ROBO2: variants seen among roughly 807,000 people sequenced by gnomAD.
ROBO2 encodes roundabout guidance receptor 2, also known as roundabout homolog 2.
Under a neutral mutation model 160.8 loss-of-function variants are expected in ROBO2, and 53 were observed. That is an observed-to-expected ratio of 0.33 (90% CI 0.26 to 0.41). The LOEUF (loss-of-function observed/expected upper bound fraction) is 0.41, where lower values mean the gene tolerates loss of function less well. Among genes scored for constraint, ROBO2 ranks in the 10% least tolerant of loss-of-function variants. The probability of loss-of-function intolerance (pLI) is 1.00; values close to 1 mark genes in which losing one functional copy is unlikely to be tolerated. For synonymous variants in ROBO2, 664 were observed against 611.7 expected (o/e 1.09, Z -1.26); for missense variants, 1,577 against 1,722.4 (o/e 0.92, Z 1.49).
Position 77,190,004 on chromosome 3 carries a change from C to T in ROBO2, c.388+91664C>T, listed in dbSNP as rs145303566. ...GGCTTAGGTTACTGGTGTTAGCACT[C>T]TTGTCCGTGATCTTTATAAAGTATA... On this transcript the variant is annotated intron_variant, in intron 2 of 25. Coordinates refer to ENST00000461745, the Ensembl canonical transcript of ROBO2. 1.4e-4 allele frequency among the ~76,000 whole-genome samples: 21 copies of T among 151,998 alleles called. No homozygotes were observed. In the East Asian group the frequency reaches 3.5e-3, roughly 25 times the overall value.
chr3:77,172,807 T>G (rs78470956), intron 2 of ROBO2, among the ~76,000 whole-genome samples: 1,989 of 152,332 alleles, frequency 0.013, 66 homozygotes, highest in African/African-American at 0.045. Context: ...TCATTAAAAA[T>G]AGATACTTAG....
intron 6 of ROBO2, among the ~76,000 whole-genome samples, chr3:77,534,780 C>T (rs2091981789): frequency 6.6e-6 from 1 of 152,132 alleles, no homozygotes; most frequent in South Asian, 2.1e-4. Context: ...TTATTTTCAT[C>T]TCCCCTACAA....
At chr3:77,044,535 T>C (rs752321686) in intron 1 of ROBO2, among the ~76,000 whole-genome samples, 6 of 152,194 alleles carry the variant, frequency 3.9e-5, no homozygotes, top group African/African-American at 1.2e-4. Context: ...CCTTTTCTTA[T>C]TCTCCTCCTC....
intron 5 of ROBO2, among the ~76,000 whole-genome samples, chr3:77,515,716 A>G (rs1485524329): frequency 6.6e-6 from 1 of 151,668 alleles, no homozygotes; most frequent in Non-Finnish European, 1.5e-5. Flanking sequence ...GAATGCCTAT[A>G]TTGTCCCTTG....
intron 1 of ROBO2, among the ~76,000 whole-genome samples, chr3:77,052,349 C>T (rs1009564165): frequency 1.3e-5 from 2 of 152,140 alleles, no homozygotes; most frequent in Non-Finnish European, 2.9e-5. Context: ...AGAGGCTGTG[C>T]TGCTGAGAGT....
chr3:76,336,018 G>T (rs1272709039), intron 2 of ROBO2, among the ~76,000 whole-genome samples: 2 of 152,166 alleles, frequency 1.3e-5, no homozygotes, highest in East Asian at 1.9e-4. Flanking sequence ...AAGACTACTT[G>T]TGTGTAAGCA....
At chr3:76,587,429 GC>G (rs2086116840) in intron 2 of ROBO2, among the ~76,000 whole-genome samples, 1 of 152,126 alleles carries the variant, frequency 6.6e-6, no homozygotes. Flanking sequence ...GCCTGGAGAG[GC>G]CTCAGGAAAC....
intron 2 of ROBO2, among the ~76,000 whole-genome samples, chr3:76,935,447 T>C (rs1406517223): frequency 2.6e-5 from 4 of 152,204 alleles, no homozygotes; most frequent in Admixed American, 6.5e-5. Flanking sequence ...CCAGTATCTA[T>C]TGCATTTAGA....
chr3:76,072,971 T>C (rs2068512437), intron 2 of ROBO2, among the ~76,000 whole-genome samples: 1 of 152,182 alleles, frequency 6.6e-6, no homozygotes. Context: ...ATATAAAGCA[T>C]TCTTACACTT....
At chr3:76,507,138 A>G (rs1466334821) in intron 2 of ROBO2, among the ~76,000 whole-genome samples, 1 of 152,158 alleles carries the variant, frequency 6.6e-6, no homozygotes, top group Non-Finnish European at 1.5e-5. Flanking sequence ...TACAATCAAC[A>G]TAAATTAGAA....
chr3:76,021,533 G>A (rs1026741271), intron 2 of ROBO2, among the ~76,000 whole-genome samples: 1 of 151,716 alleles, frequency 6.6e-6, no homozygotes, highest in African/African-American at 2.4e-5. Flanking sequence ...GCGTACCTTG[G>A]AGATATTGCA....
chr3:77,105,578 C>G (rs1054214944), intron 2 of ROBO2, among the ~76,000 whole-genome samples: 1 of 152,178 alleles, frequency 6.6e-6, no homozygotes, highest in Admixed American at 6.5e-5. Context: ...CTCCTTTGAT[C>G]TTCACAAATG....
intron 2 of ROBO2, among the ~76,000 whole-genome samples, chr3:77,354,144 G>A (rs2068729720): frequency 6.6e-6 from 1 of 152,108 alleles, no homozygotes; most frequent in Non-Finnish European, 1.5e-5. Context: ...CACCTTTTGA[G>A]AACCCCCAGA....
intron 2 of ROBO2, among the ~76,000 whole-genome samples, chr3:76,629,981 T>C (rs1403000622): frequency 1.3e-5 from 2 of 152,188 alleles, no homozygotes; most frequent in Middle Eastern, 3.2e-3. Context: ...CTCCATCTCT[T>C]TTGACATAGA....
At chr3:76,849,718 T>A (rs1273801874) in intron 2 of ROBO2, among the ~76,000 whole-genome samples, 3 of 152,214 alleles carry the variant, frequency 2.0e-5, no homozygotes, top group Non-Finnish European at 4.4e-5. Flanking sequence ...AATTAATGTA[T>A]GAACATTATT....
intron 2 of ROBO2, among the ~76,000 whole-genome samples, chr3:76,302,694 A>C (rs574883447): frequency 6.6e-6 from 1 of 152,244 alleles, no homozygotes; most frequent in East Asian, 1.9e-4. Context: ...ACAGATTTGT[A>C]ACCTAGGAGC....
chr3:76,348,337 G>A (rs2074661102), intron 2 of ROBO2, among the ~76,000 whole-genome samples: 1 of 152,070 alleles, frequency 6.6e-6, no homozygotes, highest in Non-Finnish European at 1.5e-5. Context: ...GTGGAGGTGG[G>A]GCAAATACTG....
intron 2 of ROBO2, among the ~76,000 whole-genome samples, chr3:76,195,025 T>G: frequency 6.6e-6 from 1 of 152,158 alleles, no homozygotes; most frequent in East Asian, 1.9e-4. Context: ...GTCAGTTTTT[T>G]TTCCTCCCAA....
chr3:76,560,132 T>C lies in ROBO2; in HGVS notation c.110-537882T>C, dbSNP rs2084071656. Among the ~76,000 whole-genome samples, 3 of 152,188 alleles carry C rather than the reference T, an allele frequency of 2.0e-5. No homozygotes were observed. In the South Asian group the frequency reaches 6.2e-4, roughly 31 times the overall value. ...AATAGATGTCTTTCCTACATTTTTCTCTGAATTTCCCATCTGCTTGATATT... is the reference window on the plus strand; with the variant it reads ...AATAGATGTCTTTCCTACATTTTTCCCTGAATTTCCCATCTGCTTGATATT... On this transcript the variant is annotated intron_variant, in intron 2 of 26. Coordinates refer to the ROBO2 transcript ENST00000487694.
Sources: gnomAD v4.1 joint callset for allele counts (sites outside exome capture counted in the v4.1 genomes callset) on GRCh38, gnomAD v4.1.1 for gene constraint, MANE v1.5 for transcripts, NCBI Gene and HGNC (gene_info 2026-07-23, HGNC 2026-07-21) for gene names.